The following DLG2 variants were observed in gnomAD, a reference collection of about 807,000 sequenced individuals.
The protein encoded by DLG2 is discs large MAGUK scaffold protein 2, also known as disks large homolog 2.
In DLG2, 45 loss-of-function variants were observed where a neutral mutation model predicts 132.5. The observed-to-expected ratio is 0.34, with a 90% confidence interval of 0.27 to 0.44. The LOEUF (loss-of-function observed/expected upper bound fraction) is 0.44, where lower values mean the gene tolerates loss of function less well. Ranked by LOEUF, DLG2 falls within the 20% of genes least tolerant of loss-of-function variation. DLG2 has a pLI of 1.00. For missense variants in DLG2, 1,045 were observed against 1,196.9 expected (o/e 0.87, Z 1.87); for synonymous variants, 424 against 419.6 (o/e 1.01, Z -0.13).
rs533185768 is a variant in DLG2, at chr11:83,864,118, A to G, written c.1565+10302T>C. ...CCAACTCTTGATATCAGCCCATGTA[A>G]GCATGCAACTTCTTTAGTTTAAAGA... is the stretch of plus-strand genomic sequence containing the variant. On this transcript the variant is annotated intron_variant, in intron 16 of 27. Coordinates refer to ENST00000376104, the MANE Select transcript of DLG2 (RefSeq NM_001142699.3). 2.0e-5 allele frequency among the ~76,000 whole-genome samples: 3 copies of G among 152,294 alleles called. No homozygotes were observed. The South Asian group carries it at 6.2e-4, about 32-fold the overall frequency.
At chr11:84,503,700 A>G (rs1233995782) in intron 7 of DLG2, among the ~76,000 whole-genome samples, 1 of 152,224 alleles carries the variant, frequency 6.6e-6, no homozygotes. Flanking sequence ...GTCCTTAAGA[A>G]AAGTCTGAGT....
chr11:85,098,347 C>A (rs187952684), intron 6 of DLG2, among the ~76,000 whole-genome samples: 3 of 152,160 alleles, frequency 2.0e-5, no homozygotes, highest in Admixed American at 1.3e-4. Context: ...CCAGATTCTG[C>A]GCACTGTCCA....
chr11:83,610,399 G>C (rs936781628), intron 19 of DLG2, among the ~76,000 whole-genome samples: 3 of 152,180 alleles, frequency 2.0e-5, no homozygotes, highest in African/African-American at 7.2e-5. Context: ...GTTTCGACTT[G>C]TGAGACATGA....
At chr11:85,060,517 G>GTA (rs980285636) in intron 6 of DLG2, among the ~76,000 whole-genome samples, 1 of 150,428 alleles carries the variant, frequency 6.6e-6, no homozygotes, top group Non-Finnish European at 1.5e-5. Flanking sequence ...GTGTGTGTGT[G>GTA]TATACATGTA....
intron 7 of DLG2, among the ~76,000 whole-genome samples, chr11:84,381,907 G>A (rs1173163244): frequency 2.0e-5 from 3 of 152,186 alleles, no homozygotes; most frequent in African/African-American, 7.2e-5. Flanking sequence ...TGAAGGCATA[G>A]GTTTCAGCCT....
intron 6 of DLG2, among the ~76,000 whole-genome samples, chr11:84,711,775 C>T (rs977430339): frequency 1.3e-5 from 2 of 151,916 alleles, no homozygotes; most frequent in Admixed American, 1.3e-4. Context: ...ATTGGGTCTA[C>T]CAATTTAATC....
chr11:84,038,650 C>T (rs1410800689), intron 11 of DLG2, among the ~76,000 whole-genome samples: 1 of 152,028 alleles, frequency 6.6e-6, no homozygotes, highest in Non-Finnish European at 1.5e-5. Context: ...TCAAGATATT[C>T]CAGATATTAT....
At chr11:84,879,030 T>C (rs2086865417) in intron 6 of DLG2, among the ~76,000 whole-genome samples, 1 of 152,142 alleles carries the variant, frequency 6.6e-6, no homozygotes, top group Admixed American at 6.5e-5. Context: ...AGCAGGGGTG[T>C]AGAGCTTCCC....
chr11:83,974,575 T>A (rs1340764299), intron 12 of DLG2, among the ~76,000 whole-genome samples: 3 of 152,032 alleles, frequency 2.0e-5, no homozygotes, highest in Non-Finnish European at 4.4e-5. Context: ...TATGCTAAAA[T>A]TCATTGAGAA....
intron 19 of DLG2, among the ~76,000 whole-genome samples, chr11:83,546,050 G>A (rs776528923): frequency 5.9e-5 from 9 of 152,074 alleles, no homozygotes; most frequent in Non-Finnish European, 1.0e-4. Flanking sequence ...AAATAGAATT[G>A]GACATGAATA....
chr11:85,247,593 C>T (rs1242930158), intron 4 of DLG2, among the ~76,000 whole-genome samples: 1 of 151,874 alleles, frequency 6.6e-6, no homozygotes, highest in East Asian at 1.9e-4. Context: ...TTTCTTGTTG[C>T]TAGTCTACAG....
intron 21 of DLG2, among the ~76,000 whole-genome samples, chr11:83,504,371 G>A (rs1046384029): frequency 6.6e-6 from 1 of 152,036 alleles, no homozygotes; most frequent in African/African-American, 2.4e-5. Flanking sequence ...TTAATCACAG[G>A]GCACAGTAAT....
At chr11:85,052,774 C>T (rs992788291) in intron 6 of DLG2, among the ~76,000 whole-genome samples, 4 of 152,108 alleles carry the variant, frequency 2.6e-5, no homozygotes, top group African/African-American at 9.7e-5. Context: ...TTGGGAAGGT[C>T]TAAGAATCAC....
chr11:84,146,478 GT>G (rs2095087414), intron 9 of DLG2, among the ~76,000 whole-genome samples: 1 of 151,878 alleles, frequency 6.6e-6, no homozygotes, highest in African/African-American at 2.4e-5. Flanking sequence ...CACCTACTAT[GT>G]ACCAACAGAA....
chr11:83,516,272 T>A (rs576260710), intron 21 of DLG2, among the ~76,000 whole-genome samples: 1 of 152,316 alleles, frequency 6.6e-6, no homozygotes, highest in East Asian at 1.9e-4. Context: ...CCCTTTACCA[T>A]TATGTAATGG....
rs187681078 is a variant in DLG2, at chr11:83,503,567, C to T, written c.2194-19339G>A. Among the ~76,000 whole-genome samples the T allele has an allele frequency of 1.9e-3, 292 of 151,524 alleles. 4 individuals carry two copies. Among genetic ancestry groups the T allele is most frequent in the African/African-American group, 6.8e-3 (282 of 41,288 alleles). ...CAGTCCAAGTCCCAAAACTGAAGAACCTGGAGTCCGATGTTCAAGGGTAGG... is the reference window on the plus strand; with the variant it reads ...CAGTCCAAGTCCCAAAACTGAAGAATCTGGAGTCCGATGTTCAAGGGTAGG... On this transcript the variant is annotated intron_variant, in intron 21 of 27. Transcript: ENST00000376104.
At chr11:85,204,732 C>A (rs2081740438) in intron 4 of DLG2, among the ~76,000 whole-genome samples, 1 of 152,024 alleles carries the variant, frequency 6.6e-6, no homozygotes, top group South Asian at 2.1e-4. Flanking sequence ...CCAAAGCAAT[C>A]CTGGGCAAAA....
At chr11:85,241,283 G>A (rs1229221617) in intron 4 of DLG2, among the ~76,000 whole-genome samples, 2 of 151,664 alleles carry the variant, frequency 1.3e-5, no homozygotes, top group Non-Finnish European at 2.9e-5. Flanking sequence ...CTATTAATTT[G>A]TTTATAGGGT....
At chr11:85,568,792 A>G (rs1368054992) in intron 3 of DLG2, among the ~76,000 whole-genome samples, 1 of 151,514 alleles carries the variant, frequency 6.6e-6, no homozygotes, top group African/African-American at 2.4e-5. Flanking sequence ...TATTTGAGTC[A>G]TCTCTCTTTT....
Sources: allele counts gnomAD v4.1 joint callset (sites outside exome capture counted in the v4.1 genomes callset), GRCh38; gene constraint gnomAD v4.1.1; transcripts MANE v1.5; gene names NCBI Gene and HGNC (gene_info 2026-07-23, HGNC 2026-07-21).